The following NAP1L1 variants were observed in gnomAD, a reference collection of about 807,000 sequenced individuals.
NAP1L1 encodes nucleosome assembly protein 1-like 1.
A neutral mutation model predicts 58.9 loss-of-function variants in NAP1L1; 9 were observed. The ratio of observed to expected loss-of-function variants is 0.15; its 90% CI spans 0.09 to 0.27. NAP1L1 has a LOEUF of 0.27. Ranked by LOEUF, NAP1L1 falls within the 10% of genes least tolerant of loss-of-function variation. NAP1L1 has a pLI of 1.00. For missense variants in NAP1L1, 302 were observed against 458.8 expected (o/e 0.66, Z 3.12); for synonymous variants, 130 against 138.3 (o/e 0.94, Z 0.42).
intron 6 of NAP1L1, among the ~76,000 whole-genome samples, chr12:76,058,663 G>A (rs1043270113): frequency 1.3e-5 from 2 of 152,110 alleles, no homozygotes; most frequent in African/African-American, 4.8e-5. Context: ...TGGGATTACA[G>A]GCATGAGCCA....
intron 2 of NAP1L1, among the ~76,000 whole-genome samples, chr12:76,072,297 AT>A (rs1188821614): frequency 2.4e-4 from 36 of 148,938 alleles, no homozygotes; most frequent in African/African-American, 8.7e-4. Flanking sequence ...AGAGGATGCT[AT>A]TTAAAAAAAA....
Position 76,044,969 on chromosome 12 carries a change from G to A in NAP1L1, c.*3460C>T, listed in dbSNP as rs935085029. ...AAAATCACCAGTATACATCTATTAA[G>A]TTAACTGCAGTATTATTTCACCATC... On this transcript the variant is annotated 3_prime_UTR_variant, in exon 15 of 15. Coordinates refer to ENST00000618691, the MANE Select transcript of NAP1L1 (RefSeq NM_004537.7). 3 of 152,012 alleles carry A rather than the reference G, an allele frequency of 2.0e-5. No individual in the cohort carries two copies. The highest frequency in any genetic ancestry group is 7.2e-5 in the African/African-American group (3 of 41,394). The allele number at this position is 152,012 out of a possible 1,614,324, so 9.4% of individuals were successfully genotyped here.
intron 1 of NAP1L1, chr12:76,084,234 C>G (rs933421641): frequency 3.3e-5 from 5 of 152,216 alleles, no homozygotes; most frequent in African/African-American, 1.2e-4. Context: ...GCAGCCGAGT[C>G]TCAGGGCACC....
intron 14 of NAP1L1, 120 bp from the exon 15 acceptor site, chr12:76,048,584 G>A (rs888136681): frequency 7.3e-5 from 67 of 914,806 alleles, no homozygotes; most frequent in Non-Finnish European, 1.1e-4. Flanking sequence ...AATGGTATAG[G>A]ACAATGGTGG....
At chr12:76,075,956 G>C (rs1171009533) in intron 1 of NAP1L1, among the ~76,000 whole-genome samples, 2 of 152,114 alleles carry the variant, frequency 1.3e-5, no homozygotes, top group Admixed American at 1.3e-4. Flanking sequence ...TTGAGGCCAG[G>C]AGTTCAAGAC....
rs1949024609 is a variant in NAP1L1 at position 76,055,169 on chromosome 12, ACT to A, written c.559-81_559-80del. 3.3e-6 allele frequency: 3 copies of A among 916,022 alleles called. No homozygotes were observed. In the Admixed American group the frequency reaches 7.6e-5, roughly 23 times the overall value. 56.7% of individuals were successfully genotyped at this position (916,022 alleles called of 1,614,324 possible). On this transcript the variant is annotated intron_variant, in intron 7 of 14. Transcript: ENST00000618691. ...TCTGTTACTACACAAACACCAGCTG[ACT>A]GAGACATAATATATTTCAAAGTAGT...
chr12:76,065,289 C>G (rs1375953745), intron 4 of NAP1L1, among the ~76,000 whole-genome samples: 2 of 150,710 alleles, frequency 1.3e-5, no homozygotes, highest in East Asian at 1.9e-4. Flanking sequence ...TAAATAGGCA[C>G]TGAATTTAAT....
chr12:76,069,170 C>T (rs1441603437), intron 2 of NAP1L1, among the ~76,000 whole-genome samples, 176 bp from the exon 3 acceptor site: 2 of 152,188 alleles, frequency 1.3e-5, no homozygotes, highest in Non-Finnish European at 2.9e-5. Context: ...ACTGGAAGTG[C>T]TTACACTTTC....
chr12:76,083,473 CAAAAAAAAAAAA>C (rs34033928), intron 1 of NAP1L1, among the ~76,000 whole-genome samples: 4 of 87,214 alleles, frequency 4.6e-5, no homozygotes, highest in African/African-American at 1.8e-4. Flanking sequence ...CTTTTTTTTC[CAAAAAAAAAAAA>C]AAAAAAAAAA....
At chr12:76,078,494 C>T (rs1026039904) in intron 1 of NAP1L1, among the ~76,000 whole-genome samples, 1 of 152,148 alleles carries the variant, frequency 6.6e-6, no homozygotes, top group African/African-American at 2.4e-5. Context: ...AGAAATCAAT[C>T]CTACACAAAG....
rs1188514752 is a variant in NAP1L1 at position 76,049,216 on chromosome 12, G to A, written c.1124C>T (p.Pro375Leu). The A allele has an allele frequency of 1.2e-6, 2 of 1,613,436 alleles. No individual in the cohort carries two copies. The highest frequency in any genetic ancestry group is 1.7e-6 in the Non-Finnish European group (2 of 1,179,662). The stretch of plus-strand genomic sequence containing the variant: ...TTTGCTCACCTTTGGGTCATAGTCT[G>A]GATCATTTTCCTCATCTCCTTCTTC... ...GEEEGDEEND[P>L]DYDPKKDQNP... The change falls in exon 14 of 15, where the codon CCA becomes CTA. Residue 375 changes from proline to leucine, a missense_variant. Transcript: ENST00000618691.
intron 1 of NAP1L1, among the ~76,000 whole-genome samples, chr12:76,082,574 T>C (rs540169128): frequency 2.0e-5 from 3 of 152,326 alleles, no homozygotes; most frequent in East Asian, 1.9e-4. Flanking sequence ...TCAGGTTTTA[T>C]GACAGAAGAT....
At chr12:76,060,328 A>G in intron 4 of NAP1L1, 49 bp from the exon 5 acceptor site, 2 of 1,575,204 alleles carry the variant, frequency 1.3e-6, no homozygotes, top group Non-Finnish European at 1.7e-6. Context: ...AATGGAAGTC[A>G]CACTTCTTTT....
At chr12:76,065,281 A>C (rs1417978119) in intron 4 of NAP1L1, among the ~76,000 whole-genome samples, 1 of 152,082 alleles carries the variant, frequency 6.6e-6, no homozygotes, top group Non-Finnish European at 1.5e-5. Context: ...AAAAACAGTA[A>C]ATAGGCACTG....
At position 76,079,305 on chromosome 12, in the gene NAP1L1, C is replaced by T. The variant is rs141528550; in HGVS notation, c.-20-5066G>A. The stretch of plus-strand genomic sequence containing the variant: ...CTTTGGAAGGCTGGGGCAGGAGGAT[C>T]GCTTGAGGCCAGGAGTTCAAGGCCA... On this transcript the variant is annotated intron_variant, in intron 1 of 14. Coordinates refer to ENST00000618691, the MANE Select transcript of NAP1L1 (RefSeq NM_004537.7). Among the ~76,000 whole-genome samples, 1,480 of 152,214 alleles carry T rather than the reference C, an allele frequency of 9.7e-3. 21 individuals are homozygous for T. Among genetic ancestry groups the T allele is most frequent in the African/African-American group, 0.033 (1,371 of 41,528 alleles).
Position 76,039,988 on chromosome 12 carries a change from T to C in NAP1L1, c.*8441A>G, listed in dbSNP as rs1428923992. 2 of 152,204 alleles carry C rather than the reference T, an allele frequency of 1.3e-5. No homozygotes were observed. The highest frequency in any genetic ancestry group is 4.8e-5 in the African/African-American group (2 of 41,470). The allele number at this position is 152,204 out of a possible 1,614,324, so 9.4% of individuals were successfully genotyped here. On this transcript the variant is annotated 3_prime_UTR_variant, in exon 15 of 15. Transcript: ENST00000618691. ...ACACGTGTACTTAAGGGTCACCTTATACATACCACTTGAGGTTCCTTTACT... is the reference window on the plus strand; with the variant it reads ...ACACGTGTACTTAAGGGTCACCTTACACATACCACTTGAGGTTCCTTTACT...
At chr12:76,066,815 C>T (rs1474583565) in intron 4 of NAP1L1, among the ~76,000 whole-genome samples, 1 of 152,084 alleles carries the variant, frequency 6.6e-6, no homozygotes, top group African/African-American at 2.4e-5. Flanking sequence ...AATTCTCACA[C>T]AGTTCCTTTA....
At chr12:76,049,312 T>C (rs1310038892) in intron 13 of NAP1L1, 62 bp from the exon 14 acceptor site, 1 of 1,610,640 alleles carries the variant, frequency 6.2e-7, no homozygotes. Context: ...TGGCTCATAA[T>C]GTAGGGAAAA....
chr12:76,074,691 G>A (rs1950106183), intron 1 of NAP1L1, among the ~76,000 whole-genome samples: 3 of 152,138 alleles, frequency 2.0e-5, no homozygotes, highest in African/African-American at 4.8e-5. Context: ...TTCATTTTAT[G>A]TAATTCATGT....
Sources: allele counts gnomAD v4.1 joint callset (sites outside exome capture counted in the v4.1 genomes callset), GRCh38; gene constraint gnomAD v4.1.1; transcripts MANE v1.5; gene names NCBI Gene and HGNC (gene_info 2026-07-23, HGNC 2026-07-21).